LNX1: variants seen among roughly 807,000 people sequenced by gnomAD.
The protein encoded by LNX1 is E3 ubiquitin-protein ligase LNX.
Under a neutral mutation model 68.4 loss-of-function variants are expected in LNX1, and 54 were observed. The observed-to-expected ratio is 0.79, with a 90% CI of 0.63 to 0.99. LNX1 has a LOEUF of 0.99. Among genes scored for constraint, LNX1 ranks in the 50% least tolerant of loss-of-function variants. The pLI, the probability that LNX1 is intolerant of heterozygous loss-of-function variation, is 0.00. For synonymous variants in LNX1, 336 were observed against 350.0 expected (o/e 0.96, Z 0.45); for missense variants, 906 against 926.4 (o/e 0.98, Z 0.29).
intron 8 of LNX1, 24 bp downstream of exon 8, chr4:53,478,541 C>T (rs1269498603): frequency 1.3e-6 from 2 of 1,592,222 alleles, no homozygotes; most frequent in African/African-American, 1.3e-5. Flanking sequence ...ACCCCAGTGC[C>T]TTTAAAATCC....
chr4:53,633,722 C>T (rs1734361603), intron 1 of LNX1, among the ~76,000 whole-genome samples: 1 of 152,110 alleles, frequency 6.6e-6, no homozygotes, highest in African/African-American at 2.4e-5. Flanking sequence ...ACATGAGCGC[C>T]CTCATCCATC....
chr4:53,608,060 A>G (rs1390191184), intron 2 of LNX1, among the ~76,000 whole-genome samples: 3 of 152,214 alleles, frequency 2.0e-5, no homozygotes, highest in African/African-American at 7.2e-5. Context: ...GGGTATGGCA[A>G]AGATTTCATT....
rs977497735 is a variant in LNX1, at chr4:53,591,471, G to C, written c.-170C>G. 7 of 985,524 alleles carry C rather than the reference G, an allele frequency of 7.1e-6. No individual in the cohort carries two copies. The South Asian group carries it at 1.4e-4, about 20-fold the overall frequency. 61.0% of individuals were successfully genotyped at this position (985,524 alleles called of 1,614,324 possible). ...TTGTGGGTGAACCGAGCAGCTCCTT[G>C]GGCCGCCGGAGTTGTGACCAGCCTC... is the stretch of plus-strand genomic sequence containing the variant. On this transcript the variant is annotated 5_prime_UTR_variant, in exon 1 of 11. Transcript: ENST00000263925.
rs750198958 is a variant in LNX1, at chr4:53,461,011, T to C, written c.2083A>G (p.Arg695Gly). The C allele has an allele frequency of 5.7e-6, 9 of 1,589,202 alleles. No individual in the cohort carries two copies. The highest frequency in any genetic ancestry group is 7.7e-6 in the Non-Finnish European group (9 of 1,171,622). The change falls in exon 11 of 11, where the codon AGA becomes GGA. Residue 695 changes from arginine to glycine, a missense_variant. Physicochemically the swap from Arg to Gly is moderately radical, Grantham distance 125. Coordinates refer to ENST00000263925, the MANE Select transcript of LNX1 (RefSeq NM_001126328.3). ...CGDILLAVNGRSTSGMIHACL... is the reference protein window; with the variant it reads ...CGDILLAVNGGSTSGMIHACL... The stretch of plus-strand genomic sequence containing the variant: ...GCATGTATCATTCCTGATGTACTTC[T>C]ACCATTGACAGCAAGAAGAATATCA...
upstream of LNX1, among the ~76,000 whole-genome samples, chr4:53,619,591 A>G (rs577396201): frequency 1.2e-4 from 19 of 152,290 alleles, no homozygotes; most frequent in Non-Finnish European, 2.6e-4. Context: ...GGTATACAGC[A>G]CATGTTGTTT....
At chr4:53,603,676 A>G (rs994972816) in intron 2 of LNX1, 1 of 152,202 alleles carries the variant, frequency 6.6e-6, no homozygotes, top group African/African-American at 2.4e-5. Context: ...GAGGTTTTAA[A>G]CCACGTCTTG....
At chr4:53,517,730 C>T (rs904946917) in intron 2 of LNX1, among the ~76,000 whole-genome samples, 2 of 152,214 alleles carry the variant, frequency 1.3e-5, no homozygotes, top group African/African-American at 4.8e-5. Flanking sequence ...CCCATGTTGC[C>T]TGGCACTGAA....
At chr4:53,624,399 A>G (rs1204850689) in intron 1 of LNX1, among the ~76,000 whole-genome samples, 1 of 152,078 alleles carries the variant, frequency 6.6e-6, no homozygotes, top group African/African-American at 2.4e-5. Context: ...AACCCCTTTC[A>G]CTTGGTTCTT....
chr4:53,575,951 A>C (rs1731461886), intron 1 of LNX1: 1 of 1,565,132 alleles, frequency 6.4e-7, no homozygotes, highest in African/African-American at 1.4e-5. Context: ...CTGCCGCAGG[A>C]GTGGCTGGGT....
intron 1 of LNX1, among the ~76,000 whole-genome samples, chr4:53,644,383 C>T (rs921733647): frequency 1.3e-5 from 2 of 149,398 alleles, no homozygotes; most frequent in Non-Finnish European, 3.0e-5. Flanking sequence ...GCCTGGGCAA[C>T]AGAGTGAGAG....
chr4:53,603,086 CAA>C (rs991557137), intron 2 of LNX1: 10 of 152,210 alleles, frequency 6.6e-5, no homozygotes, highest in African/African-American at 2.4e-4. Context: ...CTCAGATTGG[CAA>C]AGTTTCTAAT....
chr4:53,525,047 A>AG (rs1389449764), intron 2 of LNX1, among the ~76,000 whole-genome samples: 1 of 152,200 alleles, frequency 6.6e-6, no homozygotes, highest in African/African-American at 2.4e-5. Flanking sequence ...TTGGACAAAC[A>AG]GTAGTGGTCT....
chr4:53,579,392 C>T, intron 1 of LNX1: 1 of 408,212 alleles, frequency 2.4e-6, no homozygotes, highest in East Asian at 1.6e-4. Flanking sequence ...GGAGCCAAAA[C>T]CCCCAATCTA....
At chr4:53,524,316 G>A (rs896364113) in intron 2 of LNX1, 2 of 152,138 alleles carry the variant, frequency 1.3e-5, no homozygotes, top group African/African-American at 4.8e-5. Flanking sequence ...AAAGGCCCAG[G>A]CTTGGAGGTG....
chr4:53,642,358 T>C (rs62325512), intron 1 of LNX1, among the ~76,000 whole-genome samples: 1 of 151,980 alleles, frequency 6.6e-6, no homozygotes, highest in Admixed American at 6.6e-5. Flanking sequence ...AATGTATACA[T>C]GCTTTTGAAC....
intron 1 of LNX1, chr4:53,576,313 C>T (rs199669260): frequency 2.9e-4 from 472 of 1,612,796 alleles, no homozygotes; most frequent in Non-Finnish European, 3.7e-4. Flanking sequence ...CCAGGAGCTG[C>T]GGTACAGCGT....
intron 1 of LNX1, among the ~76,000 whole-genome samples, chr4:53,581,740 A>G (rs1165491058): frequency 6.6e-6 from 1 of 152,082 alleles, no homozygotes; most frequent in African/African-American, 2.4e-5. Flanking sequence ...CTCCCACAAC[A>G]TGTGGGGATT....
intron 2 of LNX1, among the ~76,000 whole-genome samples, chr4:53,563,463 G>T (rs1456861726): frequency 6.6e-6 from 1 of 152,118 alleles, no homozygotes; most frequent in Non-Finnish European, 1.5e-5. Context: ...GGAGTAAGAG[G>T]GGGGCCTACT....
intron 1 of LNX1, among the ~76,000 whole-genome samples, chr4:53,645,059 T>C (rs1734834355): frequency 6.6e-6 from 1 of 152,148 alleles, no homozygotes; most frequent in South Asian, 2.1e-4. Flanking sequence ...ATCCAGGTGA[T>C]AAGGGCACAG....
Sources: allele counts gnomAD v4.1 joint callset (sites outside exome capture counted in the v4.1 genomes callset), GRCh38; gene constraint gnomAD v4.1.1; transcripts MANE v1.5; gene names NCBI Gene and HGNC (gene_info 2026-07-23, HGNC 2026-07-21).